Variants in NDRG2 observed in about 807,000 individuals in gnomAD.
The protein encoded by NDRG2 is NDRG family member 2, also known as protein NDRG2.
In NDRG2, 34 loss-of-function variants were observed where a neutral mutation model predicts 58.2. That is an observed-to-expected ratio of 0.58 (90% CI 0.44 to 0.78). The LOEUF (loss-of-function observed/expected upper bound fraction) is 0.78, where lower values mean the gene tolerates loss of function less well. Ranked by LOEUF, NDRG2 falls within the 30% of genes least tolerant of loss-of-function variation. The pLI is 0.00. For missense variants in NDRG2, 434 were observed against 471.2 expected, an observed-to-expected ratio of 0.92 and a Z score of 0.73; for synonymous variants, 187 against 175.9, an observed-to-expected ratio of 1.06 and a Z score of -0.50.
At position 21,068,086 on chromosome 14, in the gene NDRG2, G is replaced by A. The variant is rs1421827791; in HGVS notation, c.24+2742C>T. Among the ~76,000 whole-genome samples the A allele has an allele frequency of 8.2e-5, 2 of 24,504 alleles. 1 individual carries two copies. Among genetic ancestry groups the A allele is most frequent in the African/African-American group, 1.7e-4 (2 of 11,780 alleles). The allele number at this position is 24,504 out of a possible 152,430, so 16.1% of individuals were successfully genotyped here. ...GCGATCTCGGCTCACTGCAAGCTCC[G>A]CCTCCCGGGTTCACGCCATTCTCCT... On this transcript the variant is annotated intron_variant, in intron 1 of 14. Transcript: ENST00000403829.
intron 1 of NDRG2, among the ~76,000 whole-genome samples, chr14:21,050,710 T>C (rs1024792133): frequency 6.6e-6 from 1 of 152,190 alleles, no homozygotes; most frequent in Non-Finnish European, 1.5e-5. Context: ...ATTTCATTTG[T>C]GGTAATAATA....
chr14:21,052,060 A>T (rs1396676161), intron 1 of NDRG2, among the ~76,000 whole-genome samples: 2 of 152,148 alleles, frequency 1.3e-5, no homozygotes, highest in Non-Finnish European at 2.9e-5. Flanking sequence ...TAGCACTTTG[A>T]TGTTTTTTCT....
At chr14:21,020,448 A>G in intron 8 of NDRG2, 48 bp downstream of exon 8, 2 of 1,487,074 alleles carry the variant, frequency 1.3e-6, no homozygotes, top group Non-Finnish European at 1.9e-6. Context: ...CTGGATCCAT[A>G]CGAGGGGATC....
In NDRG2 at chr14:21,024,704, G is replaced by A; in HGVS notation, c.-681C>T. 1 of 985,442 alleles carries A rather than the reference G, an allele frequency of 1.0e-6. No individual in the cohort carries two copies. The highest frequency in any genetic ancestry group is 1.1e-4 in the East Asian group (1 of 8,782). 61.0% of individuals were successfully genotyped at this position (985,442 alleles called of 1,614,324 possible). A position where few individuals can be genotyped will look rare whatever the true frequency, so the allele number is the denominator to read the frequency against. ...GCGAAGGCAAGCGCCATCGGGAAGG[G>A]ATGGGTAGGACAGAGGAGACCGGCC... On this transcript the variant is annotated 5_prime_UTR_variant, in exon 1 of 16. Coordinates refer to ENST00000556147, the MANE Select transcript of NDRG2 (RefSeq NM_001320329.2).
chr14:21,022,400 C>G lies in NDRG2; in HGVS notation c.215G>C (p.Gly72Ala), dbSNP rs1881030749. The change falls in exon 4 of 16, where the codon GGA becomes GCA. Residue 72 changes from glycine to alanine, a missense_variant. Coordinates refer to ENST00000556147, the MANE Select transcript of NDRG2 (RefSeq NM_001320329.2). ...TGAATGAAGGTCCTTACAGTTGAGT[C>G]CCACATCGTGGTAGGTAAGGATCGC... ...RPAILTYHDV[G>A]LNYKSCFQPL... 1 of 1,613,124 alleles carries G rather than the reference C, an allele frequency of 6.2e-7. No individual in the cohort carries two copies. Among genetic ancestry groups the G allele is most frequent in the Non-Finnish European group, 8.5e-7 (1 of 1,179,240 alleles).
chr14:21,051,312 G>A (rs1885456001), intron 1 of NDRG2, among the ~76,000 whole-genome samples: 1 of 152,176 alleles, frequency 6.6e-6, no homozygotes, highest in Non-Finnish European at 1.5e-5. Context: ...AGAGCACTTG[G>A]AACAGTGACT....
chr14:21,033,906 G>A, intron 1 of NDRG2: 1 of 1,613,894 alleles, frequency 6.2e-7, no homozygotes, highest in South Asian at 1.1e-5. Flanking sequence ...GTTGGTTAGG[G>A]TGCTATTGTA....
In NDRG2 at chr14:21,017,020, C is replaced by T. The variant is rs1164701089; in HGVS notation, c.*576G>A. 3 of 456,208 alleles carry T rather than the reference C, an allele frequency of 6.6e-6. No individual in the cohort carries two copies. The highest frequency in any genetic ancestry group is 4.6e-5 in the South Asian group (3 of 64,546). 28.3% of individuals were successfully genotyped at this position (456,208 alleles called of 1,614,324 possible). A position where few individuals can be genotyped will look rare whatever the true frequency, so the allele number is the denominator to read the frequency against. The stretch of plus-strand genomic sequence containing the variant: ...GCCCCAGCACCAATCCTTCCCCACA[C>T]TCGTTCACTGCCCGCCAACTCCCAT... On this transcript the variant is annotated 3_prime_UTR_variant, in exon 16 of 16. Coordinates refer to ENST00000556147, the MANE Select transcript of NDRG2 (RefSeq NM_001320329.2).
rs780758633 is a variant in NDRG2 at position 21,022,458 on chromosome 14, T to C, written c.157A>G (p.Thr53Ala). 1.3e-5 allele frequency: 21 copies of C among 1,613,460 alleles called. No homozygotes were observed. Among genetic ancestry groups the C allele is most frequent in the Admixed American group, 1.7e-5 (1 of 59,948 alleles). The part of the protein sequence containing the change: ...VETPYGSVTF[T>A]VYGTPKPKRP... ...TTGGGTTTGGGGGTGCCATAGACAG[T>C]GAAAGTGACAGAGCCGTATGGTGTC... The change falls in exon 4 of 16, where the codon ACT becomes GCT. Residue 53 changes from threonine (T) to alanine (A), a missense_variant. By Grantham distance (58) the Thr-to-Ala change is moderately conservative. Coordinates refer to ENST00000556147, the MANE Select transcript of NDRG2 (RefSeq NM_001320329.2).
chr14:21,027,908 C>T (rs768532), upstream of NDRG2, among the ~76,000 whole-genome samples: 21,471 of 152,112 alleles, frequency 0.14, 1,675 homozygotes, highest in African/African-American at 0.2. Flanking sequence ...ACAGAGAGAG[C>T]ATGAAGGACA....
intron 1 of NDRG2, among the ~76,000 whole-genome samples, chr14:21,054,547 T>C (rs529158112): frequency 6.6e-6 from 1 of 152,346 alleles, no homozygotes; most frequent in East Asian, 1.9e-4. Context: ...CCTGGGCTCC[T>C]GCTGCCATCC....
At position 21,019,121 on chromosome 14, in the gene NDRG2, G is replaced by A. The variant is rs758604368; in HGVS notation, c.756C>T (p.Thr252=). Residue 252 remains threonine (T), a synonymous_variant, in exon 11 of 16, where the codon ACC becomes ACT. Transcript: ENST00000556147. The part of the protein sequence containing the change: ...DLNFERGGDI[T]LRCPVMLVVG... ...ATTATCTCTTAAAGTCTTACCTGAG[G>A]GTGATATCACCTCCACGCTCAAAGT... is the stretch of plus-strand genomic sequence containing the variant. 3 of 1,610,416 alleles carry A rather than the reference G, an allele frequency of 1.9e-6. No homozygotes were observed. The Admixed American group carries it at 5.1e-5, about 27-fold the overall frequency.
chr14:21,065,762 C>G (rs1382113310), intron 1 of NDRG2, among the ~76,000 whole-genome samples: 1 of 152,036 alleles, frequency 6.6e-6, no homozygotes, highest in Non-Finnish European at 1.5e-5. Context: ...CAAAAAGGTG[C>G]CAAATTAAGC....
Position 21,070,497 on chromosome 14 carries a change from G to T in NDRG2, c.24+331C>A, listed in dbSNP as rs192490228. ...GCCTGGTGCCTCCCGAGCCTGCCTC[G>T]GACTGTTCGGCCCCTCTGGGACTCT... On this transcript the variant is annotated intron_variant, in intron 1 of 14. Transcript: ENST00000403829. This position sits in a 1 kb window ranked among gnomAD's most constrained non-coding sequence, Gnocchi z 4.7. 7 of 1,334,106 alleles carry T rather than the reference G, an allele frequency of 5.2e-6. No individual in the cohort carries two copies. The Admixed American group carries it at 1.0e-4, about 20-fold the overall frequency. 82.6% of individuals were successfully genotyped at this position (1,334,106 alleles called of 1,614,324 possible).
At chr14:21,066,961 C>T (rs944905506) in intron 1 of NDRG2, among the ~76,000 whole-genome samples, 2 of 152,216 alleles carry the variant, frequency 1.3e-5, no homozygotes, top group African/African-American at 4.8e-5. Flanking sequence ...AACAAGAACA[C>T]GTGCTCTCAA....
At chr14:21,039,561 T>A (rs1480057150) in intron 1 of NDRG2, among the ~76,000 whole-genome samples, 1 of 152,176 alleles carries the variant, frequency 6.6e-6, no homozygotes, top group African/African-American at 2.4e-5. Flanking sequence ...GCCCCATGAA[T>A]GCAGTGAAGC....
rs1385570067 is a variant in NDRG2 at position 21,020,025 on chromosome 14, G to A, written c.556-49C>T. 1.9e-6 allele frequency: 3 copies of A among 1,556,216 alleles called. No homozygotes were observed. The African/African-American group carries it at 4.1e-5, about 21-fold the overall frequency. ...AAGTTCAGGGTATTGGCCAGGCACA[G>A]TGGCTCACGTCTGTAATCCCAGCAC... On this transcript the variant is annotated intron_variant, in intron 8 of 15. Transcript: ENST00000556147.
intron 1 of NDRG2, chr14:21,033,030 T>C (rs1237810001): frequency 2.2e-6 from 1 of 453,510 alleles, no homozygotes; most frequent in East Asian, 7.0e-5. Context: ...TCTGGGGGAT[T>C]TGGGAGGAGC....
chr14:21,060,314 A>G (rs992655001), intron 1 of NDRG2, among the ~76,000 whole-genome samples: 2 of 151,928 alleles, frequency 1.3e-5, no homozygotes, highest in Non-Finnish European at 2.9e-5. Context: ...CACAGCCTCC[A>G]GCCCCCTCCA....
Sources: allele counts gnomAD v4.1 joint callset (sites outside exome capture counted in the v4.1 genomes callset), GRCh38; gene constraint gnomAD v4.1.1; non-coding constraint Gnocchi (gnomAD v3.1); transcripts MANE v1.5; gene names NCBI Gene and HGNC (gene_info 2026-07-23, HGNC 2026-07-21).